The following ANXA8 variants were observed in gnomAD, a reference collection of about 807,000 sequenced individuals.
ANXA8 encodes annexin A8, also known as VAC-beta.
A neutral mutation model predicts 26.8 loss-of-function variants in ANXA8; 9 were observed. That is an observed-to-expected ratio of 0.34 (90% CI 0.20 to 0.59). The LOEUF (loss-of-function observed/expected upper bound fraction) is 0.59. ANXA8 is among the 20% of genes least tolerant of loss of function. The probability of loss-of-function intolerance (pLI) is 0.84; values close to 1 mark genes in which losing one functional copy is unlikely to be tolerated. For missense variants in ANXA8, 83 were observed against 238.5 expected (o/e 0.35, Z 4.29); for synonymous variants, 39 against 94.8 (o/e 0.41, Z 3.42).
At chr10:47,486,102 C>T (rs1295972802), upstream of ANXA8, among the ~76,000 whole-genome samples, 71 of 144,422 alleles carry the variant, frequency 4.9e-4, no homozygotes, top group African/African-American at 1.6e-3. Context: ...AGTGAAACTC[C>T]GTCTTTAAAA....
chr10:47,672,286 G>A, the ANXA8 span, among the ~76,000 whole-genome samples: 1 of 150,906 alleles, frequency 6.6e-6, no homozygotes, highest in East Asian at 1.9e-4. Flanking sequence ...AACCTGGGTT[G>A]ATAGCAGGAT....
the ANXA8 span, among the ~76,000 whole-genome samples, chr10:47,772,599 A>C: frequency 6.6e-6 from 1 of 152,074 alleles, no homozygotes; most frequent in Non-Finnish European, 1.5e-5. Context: ...TACAGATGAG[A>C]AAACTAAAGC....
At chr10:47,490,456 G>A in the ANXA8 span, 4 of 152,182 alleles carry the variant, frequency 2.6e-5, no homozygotes, top group African/African-American at 9.8e-5. Context: ...GGCTGCGAAG[G>A]CCCCGAGTTC....
chr10:47,932,737 T>TCTCC, the ANXA8 span, among the ~76,000 whole-genome samples: 353 of 100,508 alleles, frequency 3.5e-3, 74 homozygotes, highest in South Asian at 5.4e-3. Context: ...TTTCTGTCTC[T>TCTCC]CTCTCTCTCT....
At chr10:47,771,682 A>G in the ANXA8 span, among the ~76,000 whole-genome samples, 1 of 149,562 alleles carries the variant, frequency 6.7e-6, no homozygotes, top group African/African-American at 2.5e-5. Context: ...GGTTCAAGAG[A>G]TTTTCTTGCC....
At chr10:47,484,163 T>C (rs1399394107), upstream of ANXA8, 101 of 929,118 alleles carry the variant, frequency 1.1e-4, no homozygotes, top group Admixed American at 1.6e-4. Flanking sequence ...ACCCAGACAC[T>C]GCCCAGGCCT....
the ANXA8 span, among the ~76,000 whole-genome samples, chr10:47,534,971 G>GT: frequency 4.6e-5 from 4 of 87,582 alleles, no homozygotes; most frequent in Non-Finnish European, 6.2e-5. Context: ...CCCTTTTTGT[G>GT]TTTTTTTGGG....
the ANXA8 span, among the ~76,000 whole-genome samples, chr10:47,500,026 C>T: frequency 6.6e-6 from 1 of 151,258 alleles, no homozygotes; most frequent in Non-Finnish European, 1.5e-5. Context: ...TCAACTTGGC[C>T]TCCCAAAGTG....
the ANXA8 span, chr10:47,563,466 A>G: frequency 8.2e-4 from 463 of 567,908 alleles, 6 homozygotes; most frequent in South Asian, 9.1e-3. Flanking sequence ...GTGTTTTTGG[A>G]CATAGCTTGG....
the ANXA8 span, among the ~76,000 whole-genome samples, chr10:47,548,915 T>C: frequency 5.3e-4 from 80 of 152,332 alleles, no homozygotes; most frequent in Non-Finnish European, 9.1e-4. Flanking sequence ...CAAGGGTTTA[T>C]GTAAGCTAAA....
the ANXA8 span, among the ~76,000 whole-genome samples, chr10:47,613,985 A>G: frequency 2.7e-5 from 2 of 74,126 alleles, 1 homozygote; most frequent in African/African-American, 7.8e-5. Flanking sequence ...GTTTTACACT[A>G]TAACATTTCC....
At chr10:47,685,369 A>G in the ANXA8 span, among the ~76,000 whole-genome samples, 1 of 84,718 alleles carries the variant, frequency 1.2e-5, no homozygotes, top group South Asian at 3.4e-4. Flanking sequence ...AAAGAAAAAG[A>G]AAAAAAAACA....
the ANXA8 span, among the ~76,000 whole-genome samples, chr10:47,623,350 A>G: frequency 8.9e-6 from 1 of 112,688 alleles, no homozygotes; most frequent in Non-Finnish European, 1.9e-5. Context: ...TTAAGGACGT[A>G]CTTTAGGCTA....
At chr10:47,585,263 C>CAAAAAA in the ANXA8 span, among the ~76,000 whole-genome samples, 25 of 43,594 alleles carry the variant, frequency 5.7e-4, no homozygotes, top group South Asian at 2.3e-3. Flanking sequence ...GACTCCATCT[C>CAAAAAA]AAAAAAAAAA....
chr10:47,944,627 C>T, the ANXA8 span, among the ~76,000 whole-genome samples: 3 of 150,464 alleles, frequency 2.0e-5, no homozygotes, highest in Non-Finnish European at 4.4e-5. Context: ...CTGAATAAGT[C>T]TCATGAGATC....
the ANXA8 span, among the ~76,000 whole-genome samples, chr10:47,617,496 G>C: frequency 2.1e-4 from 31 of 146,958 alleles, no homozygotes. Context: ...ATAGGCAACT[G>C]TTCTGAAGGT....
At chr10:47,951,725 C>A in the ANXA8 span, among the ~76,000 whole-genome samples, 1 of 138,490 alleles carries the variant, frequency 7.2e-6, no homozygotes, top group East Asian at 2.4e-4. Context: ...GCAGGAGAAT[C>A]ACTTGAACCT....
chr10:47,740,428 A>G, the ANXA8 span, among the ~76,000 whole-genome samples: 79 of 135,756 alleles, frequency 5.8e-4, 6 homozygotes, highest in South Asian at 0.011. Context: ...TTTAACAAAT[A>G]TATACATTCA....
the ANXA8 span, among the ~76,000 whole-genome samples, chr10:47,514,280 C>G: frequency 6.7e-6 from 1 of 150,132 alleles, no homozygotes; most frequent in South Asian, 2.1e-4. Flanking sequence ...GGAATACCAC[C>G]TCAGCCATAA....
Sources: gnomAD v4.1 joint callset for allele counts (sites outside exome capture counted in the v4.1 genomes callset) on GRCh38, gnomAD v4.1.1 for gene constraint, MANE v1.5 for transcripts, NCBI Gene and HGNC (gene_info 2026-07-23, HGNC 2026-07-21) for gene names.